DENND4C: variants seen among roughly 807,000 people sequenced by gnomAD.
DENND4C encodes DENN domain-containing protein 4C.
A neutral mutation model predicts 203.0 loss-of-function variants in DENND4C; 108 were observed. That is an observed-to-expected ratio of 0.53 (90% CI 0.46 to 0.62). The LOEUF is 0.62. Among genes scored for constraint, DENND4C ranks in the 20% least tolerant of loss-of-function variants. The probability of loss-of-function intolerance (pLI) is 0.00; values close to 1 mark genes in which losing one functional copy is unlikely to be tolerated. For synonymous variants in DENND4C, 871 were observed against 792.4 expected (o/e 1.10, Z -1.67); for missense variants, 2,481 against 2,301.2 (o/e 1.08, Z -1.60).
chr9:19,266,162 A>G (rs953075240), intron 1 of DENND4C, among the ~76,000 whole-genome samples: 6 of 152,114 alleles, frequency 3.9e-5, no homozygotes, highest in African/African-American at 1.4e-4. Flanking sequence ...CTGGTGTGAG[A>G]TGGTATCCCA....
chr9:19,299,426 T>C, intron 8 of DENND4C, 139 bp downstream of exon 8: 1 of 561,954 alleles, frequency 1.8e-6, no homozygotes, highest in Non-Finnish European at 2.8e-6. Context: ...TAGGCAAAAA[T>C]AGCCTTAATG....
chr9:19,304,957 G>A (rs568409653), intron 9 of DENND4C, among the ~76,000 whole-genome samples: 1 of 150,286 alleles, frequency 6.7e-6, no homozygotes, highest in Non-Finnish European at 1.5e-5. Flanking sequence ...ATTTTGATCT[G>A]AGGTAATTTT....
chr9:19,360,445 C>G lies in DENND4C; in HGVS notation c.5362C>G (p.Pro1788Ala). 6.2e-7 allele frequency: 1 copy of G among 1,614,086 alleles called. No individual in the cohort carries two copies. ...ACGTTTGGACCTTCCTAGTAACTTG[C>G]CAGGACTTATCCTCACATCTGAACA... is the stretch of plus-strand genomic sequence containing the variant. ...FRRLDLPSNLPGLILTSEHCN... is the reference protein window; with the variant it reads ...FRRLDLPSNLAGLILTSEHCN... The change falls in exon 29 of 33, where the codon CCA becomes GCA. Residue 1788 changes from proline to alanine, a missense_variant. Coordinates refer to ENST00000434457, the MANE Select transcript of DENND4C (RefSeq NM_001330640.2).
chr9:19,299,265 G>C lies in DENND4C; in HGVS notation c.1144G>C (p.Val382Leu), dbSNP rs771546670. Residue 382 changes from valine to leucine, a missense_variant, in exon 8 of 33, where the codon GTT (valine) becomes CTT (leucine). Around this residue, in one of 3 missense-constraint regions of DENND4C, gnomAD observed 2,289 missense variants for 2,113.3 expected, o/e 1.08. Transcript: ENST00000434457. Reference protein sequence around the residue: ...VHDALILSQPVSTPLPLSGAN... With the variant: ...VHDALILSQPLSTPLPLSGAN... Reference sequence around the variant, plus strand: ...TGATGCATTAATATTATCACAGCCAGTTTCTACACCTTTACCACTAAGGTA... The same window carrying C: ...TGATGCATTAATATTATCACAGCCACTTTCTACACCTTTACCACTAAGGTA... The C allele has an allele frequency of 8.2e-6, 13 of 1,578,122 alleles. No individual in the cohort carries two copies. The highest frequency in any genetic ancestry group is 1.8e-5 in the Admixed American group (1 of 55,032).
intron 1 of DENND4C, among the ~76,000 whole-genome samples, chr9:19,237,145 T>C (rs1205840630): frequency 1.3e-5 from 2 of 150,376 alleles, no homozygotes; most frequent in African/African-American, 2.4e-5. Flanking sequence ...CTCAGCTTCC[T>C]GAGTAGCTGG....
chr9:19,262,706 A>T (rs1030800089), intron 1 of DENND4C, among the ~76,000 whole-genome samples: 7 of 152,032 alleles, frequency 4.6e-5, no homozygotes, highest in Non-Finnish European at 8.8e-5. Flanking sequence ...TGCTGGGATT[A>T]CAGGTGTGAG....
intron 10 of DENND4C, among the ~76,000 whole-genome samples, chr9:19,310,632 G>A (rs1840556492): frequency 6.6e-6 from 1 of 152,052 alleles, no homozygotes; most frequent in Admixed American, 6.6e-5. Context: ...CTACTTCTAT[G>A]TCATTAAAAT....
chr9:19,352,423 C>CA lies in DENND4C; in HGVS notation c.4606-65dup, dbSNP rs746806240. ...TAGAATAAAAAAAATCCCATTATCT[C>CA]AAGAGAATTCCTGTTAAGATTAATT... On this transcript the variant is annotated intron_variant, in intron 25 of 32. Coordinates refer to ENST00000434457, the MANE Select transcript of DENND4C (RefSeq NM_001330640.2). 322 of 1,431,894 alleles carry CA rather than the reference C, an allele frequency of 2.2e-4. 1 individual carries two copies. The highest frequency in any genetic ancestry group is 2.8e-4 in the Non-Finnish European group (294 of 1,069,008). The allele number at this position is 1,431,894 out of a possible 1,614,324, so 88.7% of individuals were successfully genotyped here.
chr9:19,251,456 T>C (rs1229126531), intron 1 of DENND4C, among the ~76,000 whole-genome samples: 2 of 152,206 alleles, frequency 1.3e-5, no homozygotes, highest in African/African-American at 4.8e-5. Context: ...TTGGAGACAT[T>C]TTCCCCCTCT....
chr9:19,295,551 T>C (rs893787170), intron 5 of DENND4C, among the ~76,000 whole-genome samples: 1 of 151,420 alleles, frequency 6.6e-6, no homozygotes, highest in African/African-American at 2.4e-5. Context: ...GGCACATGCC[T>C]GTAATGCCAG....
In DENND4C at chr9:19,296,272, C is replaced by T. The variant is rs527969829; in HGVS notation, c.1040+26C>T. 4.1e-4 allele frequency: 598 copies of T among 1,475,240 alleles called. 9 individuals carry two copies. In the South Asian group the frequency reaches 6.9e-3, roughly 17 times the overall value. 91.4% of individuals were successfully genotyped at this position (1,475,240 alleles called of 1,614,324 possible). On this transcript the variant is annotated intron_variant, in intron 6 of 32. Transcript: ENST00000434457. ...GTATGTATAATGATTAGAAAGATGG[C>T]TGGTGGAAAACTGGGTATATAAATA...
chr9:19,250,593 G>A (rs1470077221), intron 1 of DENND4C, among the ~76,000 whole-genome samples: 2 of 152,118 alleles, frequency 1.3e-5, no homozygotes, highest in Non-Finnish European at 2.9e-5. Flanking sequence ...TCTGAGACAA[G>A]GCAAGTTTCC....
Position 19,334,982 on chromosome 9 carries a change from C to A in DENND4C, c.2466C>A (p.Cys822Ter). 6.3e-7 allele frequency: 1 copy of A among 1,586,934 alleles called. No individual in the cohort carries two copies. Among genetic ancestry groups the A allele is most frequent in the Non-Finnish European group, 8.5e-7 (1 of 1,171,072 alleles). The change falls in exon 18 of 33, where the codon TGC becomes TGA. Residue 822 changes from cysteine (C) to a stop codon, truncating the protein, a stop_gained. Coordinates refer to ENST00000434457, the MANE Select transcript of DENND4C (RefSeq NM_001330640.2). LOFTEE classifies it high-confidence loss of function. ...TGATTTTTTTTTTTTGTTAGGTGTG[C>A]TATCGAGTAGTGATGCAGCTTTGTG... Reference protein sequence around the residue: ...KTDVDPLDEVCYRVVMQLCGL... With the variant: ...KTDVDPLDEV
At chr9:19,231,766 G>T (rs956644399) in intron 1 of DENND4C, among the ~76,000 whole-genome samples, 3 of 151,640 alleles carry the variant, frequency 2.0e-5, no homozygotes, top group Non-Finnish European at 4.4e-5. Context: ...CTGTCTCTTT[G>T]TGCCTCCGAG....
intron 30 of DENND4C, among the ~76,000 whole-genome samples, chr9:19,366,997 C>T (rs1222245839): frequency 6.6e-6 from 1 of 152,132 alleles, no homozygotes; most frequent in Non-Finnish European, 1.5e-5. Flanking sequence ...TCTTACAACT[C>T]AGTAATAAAA....
At chr9:19,254,118 C>T (rs1422196423) in intron 1 of DENND4C, among the ~76,000 whole-genome samples, 1 of 151,618 alleles carries the variant, frequency 6.6e-6, no homozygotes, top group Admixed American at 6.6e-5. Context: ...CGAAAGAGAA[C>T]TCTTGTACCC....
At chr9:19,286,707 T>TGTACATATATATA in intron 2 of DENND4C, 62 bp from the exon 3 acceptor site, 13 of 1,188,490 alleles carry the variant, frequency 1.1e-5, no homozygotes, top group South Asian at 4.3e-5. Context: ...ACTATATATA[T>TGTACATATATATA]GTACATATGT....
chr9:19,266,920 A>G (rs1830621369), intron 1 of DENND4C, among the ~76,000 whole-genome samples: 1 of 152,224 alleles, frequency 6.6e-6, no homozygotes, highest in African/African-American at 2.4e-5. Flanking sequence ...GGTATGGGCA[A>G]GGACTTCATG....
intron 1 of DENND4C, among the ~76,000 whole-genome samples, chr9:19,236,917 G>A (rs936627464): frequency 6.6e-6 from 1 of 152,180 alleles, no homozygotes; most frequent in Non-Finnish European, 1.5e-5. Flanking sequence ...AGGGAGATGA[G>A]TTACTATCTA....
Sources: gnomAD v4.1 joint callset for allele counts (sites outside exome capture counted in the v4.1 genomes callset) on GRCh38, gnomAD v4.1.1 for gene constraint, gnomAD v4.1.1 regional missense constraint, MANE v1.5 for transcripts, NCBI Gene and HGNC (gene_info 2026-07-23, HGNC 2026-07-21) for gene names.